FAT3: variants seen among roughly 807,000 people sequenced by gnomAD.
The protein encoded by FAT3 is protocadherin Fat 3.
Under a neutral mutation model 310.2 loss-of-function variants are expected in FAT3, and 95 were observed. That is an observed-to-expected ratio of 0.31 (90% confidence interval 0.26 to 0.36). The LOEUF is 0.36. Among genes scored for constraint, FAT3 ranks in the 10% least tolerant of loss-of-function variants. The pLI, the probability that FAT3 is intolerant of heterozygous loss-of-function variation, is 1.00. For missense variants in FAT3, 5,408 were observed against 5,715.6 expected (o/e 0.95, Z 1.74); for synonymous variants, 2,314 against 2,192.9 (o/e 1.06, Z -1.54).
chr11:92,654,390 G>T (rs1942498982), intron 3 of FAT3, among the ~76,000 whole-genome samples: 1 of 152,100 alleles, frequency 6.6e-6, no homozygotes, highest in South Asian at 2.1e-4. Flanking sequence ...GATTTGTCCA[G>T]CTTAAGAGGA....
In FAT3 at chr11:92,831,966, C is replaced by A; in HGVS notation, c.9826C>A (p.Arg3276=). The change falls in exon 14 of 28, where the codon CGG becomes AGG. Residue 3276 remains arginine (R), a synonymous_variant. Transcript: ENST00000525166. ...GTNAEITYLI[R]SGNEQGKFKI... is the part of the protein sequence containing the mutation. The stretch of plus-strand genomic sequence containing the variant: ...AAATGCTGAGATCACTTATCTCATC[C>A]GGTCTGGGAACGAACAAGGGAAATT... 6.4e-7 allele frequency: 1 copy of A among 1,571,588 alleles called. No individual in the cohort carries two copies. Among genetic ancestry groups the A allele is most frequent in the Non-Finnish European group, 8.6e-7 (1 of 1,157,918 alleles).
At chr11:92,457,105 G>A (rs889292468) in intron 2 of FAT3, among the ~76,000 whole-genome samples, 2 of 152,116 alleles carry the variant, frequency 1.3e-5, no homozygotes, top group African/African-American at 2.4e-5. Context: ...AGGGCCTGTA[G>A]GTCCTGTGGA....
intron 17 of FAT3, among the ~76,000 whole-genome samples, chr11:92,838,896 T>A (rs1948469478): frequency 6.6e-6 from 1 of 152,218 alleles, no homozygotes; most frequent in Non-Finnish European, 1.5e-5. Flanking sequence ...ATCTGATTCC[T>A]TCCCTGGTGG....
At chr11:92,774,522 G>A (rs1206065518) in intron 7 of FAT3, among the ~76,000 whole-genome samples, 1 of 152,132 alleles carries the variant, frequency 6.6e-6, no homozygotes, top group Non-Finnish European at 1.5e-5. Context: ...AACACACCAT[G>A]TTATTCTTTA....
chr11:92,405,887 A>G (rs897694146), intron 2 of FAT3, among the ~76,000 whole-genome samples: 7 of 152,246 alleles, frequency 4.6e-5, no homozygotes, highest in African/African-American at 1.7e-4. Context: ...ATTTGTAGAA[A>G]TTTAAAATTT....
chr11:92,506,195 ACCTTTCT>A (rs1953094910), intron 2 of FAT3, among the ~76,000 whole-genome samples: 5 of 152,114 alleles, frequency 3.3e-5, no homozygotes, highest in African/African-American at 9.6e-5. Flanking sequence ...ATTTTTGCAA[ACCTTTCT>A]GTTGCAACCT....
intron 3 of FAT3, among the ~76,000 whole-genome samples, chr11:92,636,892 T>TA (rs1941786522): frequency 6.6e-6 from 1 of 152,238 alleles, no homozygotes; most frequent in African/African-American, 2.4e-5. Context: ...TTATCTTGGC[T>TA]ACAAATGTCA....
intron 8 of FAT3, among the ~76,000 whole-genome samples, chr11:92,791,894 G>A (rs562634436): frequency 6.6e-6 from 1 of 152,202 alleles, no homozygotes; most frequent in African/African-American, 2.4e-5. Context: ...AAATCAGAAA[G>A]GAGGTGCTTC....
intron 3 of FAT3, among the ~76,000 whole-genome samples, chr11:92,636,729 CTCTT>C (rs548516971): frequency 3.0e-4 from 46 of 152,342 alleles, no homozygotes; most frequent in African/African-American, 1.1e-3. Flanking sequence ...TCAGAACTCT[CTCTT>C]TTGTTTAGGC....
At chr11:92,231,822 G>C (rs1286658251) in intron 1 of FAT3, among the ~76,000 whole-genome samples, 1 of 149,114 alleles carries the variant, frequency 6.7e-6, no homozygotes, top group East Asian at 1.9e-4. Context: ...TTTTTTGTCA[G>C]ATAAATTCTA....
chr11:92,360,254 A>C (rs1356909250), intron 2 of FAT3, among the ~76,000 whole-genome samples: 2 of 152,250 alleles, frequency 1.3e-5, no homozygotes, highest in Admixed American at 1.3e-4. Flanking sequence ...ACTCCCATTC[A>C]CAATTGCTTC....
At chr11:92,301,006 C>T (rs1946984451) in intron 1 of FAT3, among the ~76,000 whole-genome samples, 1 of 152,118 alleles carries the variant, frequency 6.6e-6, no homozygotes, top group African/African-American at 2.4e-5. Flanking sequence ...ACTGACCTTT[C>T]ATGGAGTTTT....
intron 2 of FAT3, among the ~76,000 whole-genome samples, chr11:92,395,642 A>G (rs1392463916): frequency 2.0e-5 from 3 of 151,188 alleles, no homozygotes; most frequent in African/African-American, 7.3e-5. Context: ...GCAGTGGCAC[A>G]ATCTGAGATC....
chr11:92,369,153 G>A (rs779325659), intron 2 of FAT3, among the ~76,000 whole-genome samples: 6 of 151,974 alleles, frequency 3.9e-5, no homozygotes, highest in African/African-American at 9.7e-5. Flanking sequence ...GAACTGATGC[G>A]GTTAAAATAT....
intron 1 of FAT3, among the ~76,000 whole-genome samples, chr11:92,271,849 T>A (rs1364393443): frequency 6.6e-6 from 1 of 152,206 alleles, no homozygotes; most frequent in Admixed American, 6.5e-5. Context: ...TCTGCCTTCT[T>A]CTACGTGCTG....
chr11:92,534,483 G>A (rs1472946555), intron 3 of FAT3, among the ~76,000 whole-genome samples: 1 of 152,176 alleles, frequency 6.6e-6, no homozygotes, highest in Non-Finnish European at 1.5e-5. Flanking sequence ...AGATGATTAA[G>A]CACACATTCT....
chr11:92,683,226 A>T (rs1943538589), intron 3 of FAT3, among the ~76,000 whole-genome samples: 1 of 152,190 alleles, frequency 6.6e-6, no homozygotes, highest in Non-Finnish European at 1.5e-5. Flanking sequence ...TGTTGCCCAC[A>T]ATGCTGTTTC....
chr11:92,781,994 T>C (rs756039780), intron 7 of FAT3, among the ~76,000 whole-genome samples: 7 of 152,190 alleles, frequency 4.6e-5, no homozygotes, highest in Non-Finnish European at 8.8e-5. Context: ...GTTTTTCTTA[T>C]TCAAGTAATC....
chr11:92,337,037 G>A (rs1221639902), intron 1 of FAT3, among the ~76,000 whole-genome samples: 1 of 152,154 alleles, frequency 6.6e-6, no homozygotes, highest in Non-Finnish European at 1.5e-5. Flanking sequence ...GGTGAGGCTG[G>A]TGCTGTAAAC....
Sources: gnomAD v4.1 joint callset for allele counts (sites outside exome capture counted in the v4.1 genomes callset) on GRCh38, gnomAD v4.1.1 for gene constraint, MANE v1.5 for transcripts, NCBI Gene and HGNC (gene_info 2026-07-23, HGNC 2026-07-21) for gene names.